Variants in NF2 observed in about 807,000 individuals in gnomAD.
NF2 encodes the protein NF2, moesin-ezrin-radixin like (MERLIN) tumor suppressor.
A neutral mutation model predicts 83.7 loss-of-function variants in NF2; 8 were observed. The observed-to-expected ratio is 0.10, with a 90% CI of 0.06 to 0.17. The LOEUF (loss-of-function observed/expected upper bound fraction) is 0.17. Among genes scored for constraint, NF2 ranks in the 10% least tolerant of loss-of-function variants. NF2 has a pLI of 1.00. For synonymous variants in NF2, 266 were observed against 269.6 expected, an observed-to-expected ratio of 0.99 and a Z score of 0.13; for missense variants, 533 against 744.4, an observed-to-expected ratio of 0.72 and a Z score of 3.31.
chr22:29,649,157 C>G (rs2066069765), intron 4 of NF2, among the ~76,000 whole-genome samples: 1 of 150,696 alleles, frequency 6.6e-6, no homozygotes, highest in Non-Finnish European at 1.5e-5. Flanking sequence ...AAAAAAAAAG[C>G]CAGACACAAA....
At chr22:29,659,544 G>A (rs1046107600) in intron 7 of NF2, among the ~76,000 whole-genome samples, 14 of 152,084 alleles carry the variant, frequency 9.2e-5, no homozygotes, top group Non-Finnish European at 7.4e-5. Context: ...CCTATATTGA[G>A]CAATAGACAA....
intron 8 of NF2, among the ~76,000 whole-genome samples, chr22:29,662,706 C>T (rs770020490): frequency 1.3e-5 from 2 of 152,196 alleles, no homozygotes; most frequent in Non-Finnish European, 2.9e-5. Flanking sequence ...CATCAGGAAG[C>T]AGAGACACAG....
intron 10 of NF2, 73 bp from the exon 11 acceptor site, chr22:29,671,753 A>G (rs2066795304): frequency 2.5e-6 from 4 of 1,608,184 alleles, no homozygotes; most frequent in South Asian, 1.1e-5. Flanking sequence ...GAGATGGGGC[A>G]TCTTTGGGCC....
intron 1 of NF2, among the ~76,000 whole-genome samples, chr22:29,620,907 C>T (rs575280038): frequency 6.6e-6 from 1 of 152,156 alleles, no homozygotes; most frequent in Admixed American, 6.5e-5. Context: ...CACCTCCTAG[C>T]AGTGATCAAG....
chr22:29,679,888 AG>A (rs1264269789), intron 14 of NF2, among the ~76,000 whole-genome samples: 4 of 151,884 alleles, frequency 2.6e-5, no homozygotes, highest in Non-Finnish European at 4.4e-5. Context: ...AAGAAAAGAA[AG>A]AAATTGATTT....
chr22:29,639,752 G>A (rs1045304364), intron 3 of NF2, among the ~76,000 whole-genome samples: 3 of 151,516 alleles, frequency 2.0e-5, no homozygotes, highest in Middle Eastern at 3.4e-3. Context: ...TGTGGTGGCA[G>A]GTGCCTGTAG....
chr22:29,649,969 G>A (rs554534725), intron 4 of NF2, among the ~76,000 whole-genome samples: 8 of 152,024 alleles, frequency 5.3e-5, no homozygotes, highest in East Asian at 3.9e-4. Context: ...ATTGCACACC[G>A]TATCAAAACA....
chr22:29,623,639 C>T (rs941784724), intron 1 of NF2, among the ~76,000 whole-genome samples: 10 of 152,132 alleles, frequency 6.6e-5, no homozygotes, highest in African/African-American at 2.4e-4. Context: ...AGCCAGTCCT[C>T]AGTCTCCGAA....
intron 1 of NF2, among the ~76,000 whole-genome samples, chr22:29,631,166 A>AT (rs1052014419): frequency 6.6e-6 from 1 of 152,174 alleles, no homozygotes; most frequent in Admixed American, 6.5e-5. Context: ...AGATAGGATA[A>AT]TTATGCTGTT....
At chr22:29,676,105 T>C (rs2066954725) in intron 13 of NF2, among the ~76,000 whole-genome samples, 1 of 151,918 alleles carries the variant, frequency 6.6e-6, no homozygotes, top group Non-Finnish European at 1.5e-5. Context: ...GGGACTGGAG[T>C]CGTCTGAGCA....
chr22:29,690,970 G>A (rs905172315), intron 15 of NF2, among the ~76,000 whole-genome samples: 8 of 152,166 alleles, frequency 5.3e-5, no homozygotes, highest in African/African-American at 1.7e-4. Context: ...AGACGTCACT[G>A]GTCAGGTTCA....
chr22:29,660,474 A>C (rs974633807), intron 7 of NF2, among the ~76,000 whole-genome samples: 3 of 152,234 alleles, frequency 2.0e-5, no homozygotes, highest in Non-Finnish European at 2.9e-5. Flanking sequence ...ACATTTTATC[A>C]TAAAATGAGA....
chr22:29,631,708 C>T (rs2065515841), intron 1 of NF2, among the ~76,000 whole-genome samples: 1 of 152,194 alleles, frequency 6.6e-6, no homozygotes, highest in African/African-American at 2.4e-5. Context: ...TTACAATTAA[C>T]AATAACTACC....
chr22:29,684,856 C>T (rs920378077), intron 15 of NF2, among the ~76,000 whole-genome samples: 1 of 152,026 alleles, frequency 6.6e-6, no homozygotes, highest in African/African-American at 2.4e-5. Context: ...TTTGGCAGTG[C>T]CTGTGGTCAG....
intron 1 of NF2, among the ~76,000 whole-genome samples, chr22:29,627,553 G>A (rs895715278): frequency 6.6e-6 from 1 of 152,090 alleles, no homozygotes; most frequent in Non-Finnish European, 1.5e-5. Context: ...AGAAACTGAG[G>A]CCCGGTTGAG....
intron 8 of NF2, among the ~76,000 whole-genome samples, chr22:29,662,296 C>T (rs979482024): frequency 6.6e-6 from 1 of 152,054 alleles, no homozygotes; most frequent in Non-Finnish European, 1.5e-5. Context: ...CCACATCTGG[C>T]TAATTTTTTG....
Position 29,645,929 on chromosome 22 carries a change from A to G in NF2, c.447+3644A>G, listed in dbSNP as rs573130329. On this transcript the variant is annotated intron_variant, in intron 4 of 15. Coordinates refer to ENST00000338641, the MANE Select transcript of NF2 (RefSeq NM_000268.4). ...ATTTTTTCTGGTGTAAATTTTAAGG[A>G]TCTTACAAATAAAGGTAATCTATGG... Among the ~76,000 whole-genome samples, 11 of 152,298 alleles carry G rather than the reference A, an allele frequency of 7.2e-5. No individual in the cohort carries two copies. The South Asian group carries it at 2.3e-3, about 32-fold the overall frequency.
intron 15 of NF2, chr22:29,683,057 C>A: frequency 6.2e-7 from 1 of 1,614,180 alleles, no homozygotes; most frequent in Non-Finnish European, 8.5e-7. Flanking sequence ...TGCATTTGAG[C>A]CCTCAAAGTA....
At chr22:29,653,271 C>T (rs184361611) in intron 4 of NF2, among the ~76,000 whole-genome samples, 10 of 152,046 alleles carry the variant, frequency 6.6e-5, no homozygotes, top group African/African-American at 2.2e-4. Flanking sequence ...TGGTGAAACC[C>T]TGTCTCTACT....
Sources: gnomAD v4.1 joint callset for allele counts (sites outside exome capture counted in the v4.1 genomes callset) on GRCh38, gnomAD v4.1.1 for gene constraint, MANE v1.5 for transcripts, NCBI Gene and HGNC (gene_info 2026-07-23, HGNC 2026-07-21) for gene names.